Variants in DLG2 observed in about 807,000 individuals in gnomAD.
DLG2 encodes disks large homolog 2.
A neutral mutation model predicts 132.5 loss-of-function variants in DLG2; 45 were observed. The observed-to-expected ratio is 0.34, with a 90% CI of 0.27 to 0.44. The LOEUF is 0.44. DLG2 is among the 20% of genes least tolerant of loss of function. The probability of loss-of-function intolerance (pLI) is 1.00; values close to 1 mark genes in which losing one functional copy is unlikely to be tolerated. For missense variants in DLG2, 1,045 were observed against 1,196.9 expected (o/e 0.87, Z 1.87); for synonymous variants, 424 against 419.6 (o/e 1.01, Z -0.13).
chr11:84,946,695 C>G (rs375850224), intron 6 of DLG2, among the ~76,000 whole-genome samples: 1 of 152,108 alleles, frequency 6.6e-6, no homozygotes, highest in Non-Finnish European at 1.5e-5. Flanking sequence ...AGAGGAAACA[C>G]AAGTGCTTCC....
At chr11:84,702,007 C>T (rs2059277633) in intron 6 of DLG2, among the ~76,000 whole-genome samples, 1 of 151,636 alleles carries the variant, frequency 6.6e-6, no homozygotes, top group African/African-American at 2.4e-5. Flanking sequence ...TCAATAATTA[C>T]TCTCCTCTGC....
chr11:85,343,664 A>G (rs1335632744), intron 3 of DLG2, among the ~76,000 whole-genome samples: 1 of 152,112 alleles, frequency 6.6e-6, no homozygotes, highest in African/African-American at 2.4e-5. Flanking sequence ...ACGCACATAC[A>G]TACACACACA....
intron 7 of DLG2, among the ~76,000 whole-genome samples, chr11:84,368,748 G>A (rs1386004787): frequency 6.6e-6 from 1 of 152,126 alleles, no homozygotes; most frequent in Non-Finnish European, 1.5e-5. Flanking sequence ...ATGAGATAAT[G>A]CATGAAAGTT....
At chr11:84,632,655 A>C (rs1396043076) in intron 6 of DLG2, among the ~76,000 whole-genome samples, 3 of 152,220 alleles carry the variant, frequency 2.0e-5, no homozygotes, top group Non-Finnish European at 1.5e-5. Flanking sequence ...AGATGATTCA[A>C]GCAAATTTCA....
intron 11 of DLG2, among the ~76,000 whole-genome samples, chr11:83,995,399 A>G (rs1001484982): frequency 5.3e-5 from 8 of 152,158 alleles, no homozygotes; most frequent in Non-Finnish European, 1.0e-4. Context: ...TAGACCTTAT[A>G]TTAGTGGCAA....
chr11:85,210,586 A>C (rs10792810), intron 4 of DLG2, among the ~76,000 whole-genome samples: 120,218 of 151,932 alleles, frequency 0.79, 48,370 homozygotes, highest in Non-Finnish European at 0.88. Context: ...TAAGCCACTC[A>C]GATCTCTTTC....
At chr11:85,512,023 TC>T (rs2094084381) in intron 3 of DLG2, among the ~76,000 whole-genome samples, 1 of 152,088 alleles carries the variant, frequency 6.6e-6, no homozygotes, top group Non-Finnish European at 1.5e-5. Flanking sequence ...TGACTGCAGT[TC>T]CATGGTGTTT....
chr11:84,732,360 G>C (rs114830372), intron 6 of DLG2, among the ~76,000 whole-genome samples: 2,485 of 151,968 alleles, frequency 0.016, 39 homozygotes, highest in African/African-American at 0.036. Flanking sequence ...CAAAGTTCTT[G>C]TTTCATTTTA....
At chr11:84,228,069 G>A (rs1322128910) in intron 8 of DLG2, among the ~76,000 whole-genome samples, 1 of 152,068 alleles carries the variant, frequency 6.6e-6, no homozygotes, top group Non-Finnish European at 1.5e-5. Flanking sequence ...ACTATTTCAT[G>A]ATTGGTTTCC....
At chr11:84,125,400 A>G (rs949419789) in intron 9 of DLG2, among the ~76,000 whole-genome samples, 9 of 152,220 alleles carry the variant, frequency 5.9e-5, no homozygotes, top group African/African-American at 2.2e-4. Flanking sequence ...AGCAGGTGAG[A>G]ATCAGTGGGC....
intron 3 of DLG2, among the ~76,000 whole-genome samples, chr11:85,407,789 G>C (rs991007601): frequency 1.1e-4 from 17 of 151,800 alleles, no homozygotes; most frequent in African/African-American, 4.1e-4. Flanking sequence ...ACTCCAAGTT[G>C]AGTCAGCCAT....
Position 84,020,323 on chromosome 11 carries a change from A to G in DLG2, c.919+38992T>C, listed in dbSNP as rs565089494. Among the ~76,000 whole-genome samples, 16 of 152,306 alleles carry G rather than the reference A, an allele frequency of 1.1e-4. 1 individual carries two copies. The highest frequency in any genetic ancestry group is 5.9e-4 in the Admixed American group (9 of 15,282). On this transcript the variant is annotated intron_variant, in intron 11 of 27. Coordinates refer to ENST00000376104, the MANE Select transcript of DLG2 (RefSeq NM_001142699.3). ...AATATGTGTATGTTACGAAATATAT[A>G]TAGATATAGATGATATGTGTGTATA...
chr11:84,701,064 T>C (rs1291063375), intron 6 of DLG2, among the ~76,000 whole-genome samples: 1 of 151,636 alleles, frequency 6.6e-6, no homozygotes, highest in Non-Finnish European at 1.5e-5. Flanking sequence ...ACTGTAGGTC[T>C]AGGAATAGCC....
chr11:85,210,064 C>T (rs1174618128), intron 4 of DLG2, among the ~76,000 whole-genome samples: 3 of 152,130 alleles, frequency 2.0e-5, no homozygotes, highest in African/African-American at 7.2e-5. Context: ...TCATATCCTC[C>T]ATCCCTACTT....
intron 9 of DLG2, among the ~76,000 whole-genome samples, chr11:84,128,552 T>C (rs1347146211): frequency 6.6e-6 from 1 of 152,178 alleles, no homozygotes; most frequent in East Asian, 1.9e-4. Flanking sequence ...AATATATGTA[T>C]GACTGGGTAA....
chr11:85,044,501 C>T (rs634050), intron 6 of DLG2, among the ~76,000 whole-genome samples: 58,813 of 151,744 alleles, frequency 0.39, 11,563 homozygotes, highest in South Asian at 0.57. Context: ...CTCTGATTAA[C>T]TGAAAACTTT....
At chr11:84,739,998 C>T (rs1256551485) in intron 6 of DLG2, among the ~76,000 whole-genome samples, 1 of 151,906 alleles carries the variant, frequency 6.6e-6, no homozygotes, top group African/African-American at 2.4e-5. Flanking sequence ...TAACCAGATT[C>T]TCAGCCTCAC....
rs1027421564 is a variant in DLG2 at position 84,060,039 on chromosome 11, G to A, written c.750-555C>T. Among the ~76,000 whole-genome samples the A allele has an allele frequency of 2.0e-5, 3 of 152,136 alleles. 1 individual carries two copies. Among genetic ancestry groups the A allele is most frequent in the African/African-American group, 7.2e-5 (3 of 41,442 alleles). Reference sequence around the variant, plus strand: ...CTAAAATAAACCTATTAGGTTGGGCGCAGTGGCTCATGCCTGTAATCCCAG... The same window carrying A: ...CTAAAATAAACCTATTAGGTTGGGCACAGTGGCTCATGCCTGTAATCCCAG... On this transcript the variant is annotated intron_variant, in intron 10 of 27. Coordinates refer to ENST00000376104, the MANE Select transcript of DLG2 (RefSeq NM_001142699.3).
rs944084293 is a variant in DLG2 at position 84,301,353 on chromosome 11, G to A, written c.520-50062C>T. Among the ~76,000 whole-genome samples the A allele has an allele frequency of 5.3e-5, 8 of 152,168 alleles. 1 individual carries two copies. The highest frequency in any genetic ancestry group is 2.6e-4 in the Admixed American group (4 of 15,278). On this transcript the variant is annotated intron_variant, in intron 7 of 27. Transcript: ENST00000376104. Reference sequence around the variant, plus strand: ...GATACCATCTCATGCCAGATAGAATGGCGATCATTAAAGTCAGGAAACAGG... The same window carrying A: ...GATACCATCTCATGCCAGATAGAATAGCGATCATTAAAGTCAGGAAACAGG...
Sources: gnomAD v4.1 joint callset for allele counts (sites outside exome capture counted in the v4.1 genomes callset) on GRCh38, gnomAD v4.1.1 for gene constraint, MANE v1.5 for transcripts, NCBI Gene and HGNC (gene_info 2026-07-23, HGNC 2026-07-21) for gene names.